The following BCO2 variants were observed in gnomAD, a reference collection of about 807,000 sequenced individuals.
BCO2 encodes carotenoid-cleaving dioxygenase, mitochondrial.
In BCO2, 56 loss-of-function variants were observed where a neutral mutation model predicts 65.8. The observed-to-expected ratio is 0.85, with a 90% CI of 0.69 to 1.06. The LOEUF (loss-of-function observed/expected upper bound fraction) is 1.06. BCO2 is among the 50% of genes least tolerant of loss of function. BCO2 has a pLI of 0.00. For synonymous variants in BCO2, 233 were observed against 242.3 expected (o/e 0.96, Z 0.36); for missense variants, 675 against 698.5 (o/e 0.97, Z 0.38).
chr11:112,182,595 G>A (rs1178079676), intron 2 of BCO2, among the ~76,000 whole-genome samples: 1 of 151,712 alleles, frequency 6.6e-6, no homozygotes, highest in Non-Finnish European at 1.5e-5. Context: ...GCAAACTATT[G>A]CAAGGACAGA....
intron 2 of BCO2, chr11:112,179,771 T>G (rs1183194310): frequency 2.5e-6 from 1 of 395,014 alleles, no homozygotes; most frequent in Non-Finnish European, 4.7e-6. Context: ...CCCCACAAGT[T>G]CCTGAAGGAA....
intron 5 of BCO2, among the ~76,000 whole-genome samples, chr11:112,195,025 T>G (rs199531344): frequency 2.2e-3 from 201 of 91,040 alleles, no homozygotes; most frequent in African/African-American, 6.9e-3. Flanking sequence ...TCTATCTATC[T>G]TATCTTGATC....
intron 4 of BCO2, 194 bp downstream of exon 4, chr11:112,194,188 A>G (rs536773268): frequency 3.4e-4 from 184 of 539,084 alleles, no homozygotes; most frequent in Non-Finnish European, 5.4e-4. Context: ...ATATAATTCT[A>G]AACTCCTTCC....
Position 112,194,719 on chromosome 11 carries a change from A to G in BCO2, c.700A>G (p.Thr234Ala), listed in dbSNP as rs764276136. The change falls in exon 5 of 12, where the codon ACA becomes GCA. Residue 234 changes from threonine (T) to alanine (A), a missense_variant. Physicochemically the swap from Thr to Ala is moderately conservative, Grantham distance 58. Coordinates refer to ENST00000357685, the MANE Select transcript of BCO2 (RefSeq NM_031938.7). ...ACATCCTCATTATGACCTGGATGGAACAGCATACAATATGGGGAACTCCTT... is the reference window on the plus strand; with the variant it reads ...ACATCCTCATTATGACCTGGATGGAGCAGCATACAATATGGGGAACTCCTT... ...TAHPHYDLDG[T>A]AYNMGNSFGP... The G allele has an allele frequency of 1.2e-6, 2 of 1,612,482 alleles. No individual in the cohort carries two copies. Among genetic ancestry groups the G allele is most frequent in the Admixed American group, 1.7e-5 (1 of 59,826 alleles).
chr11:112,201,539 T>A (rs953243800), intron 7 of BCO2, among the ~76,000 whole-genome samples: 1 of 152,206 alleles, frequency 6.6e-6, no homozygotes, highest in African/African-American at 2.4e-5. Flanking sequence ...TGATTCATAA[T>A]GCTATTATAT....
chr11:112,177,932 A>G, intron 1 of BCO2, among the ~76,000 whole-genome samples: 1 of 140,580 alleles, frequency 7.1e-6, no homozygotes, highest in Non-Finnish European at 1.5e-5. Context: ...TTTTGAGACG[A>G]AGTTTCGCTC....
rs538107453 is a variant in BCO2, at chr11:112,188,159, C to T, written c.294-5315C>T. 1.9e-4 allele frequency among the ~76,000 whole-genome samples: 29 copies of T among 152,326 alleles called. 1 individual carries two copies. Among genetic ancestry groups the T allele is most frequent in the Non-Finnish European group, 3.2e-4 (22 of 68,042 alleles). On this transcript the variant is annotated intron_variant, in intron 2 of 11. Coordinates refer to ENST00000357685, the MANE Select transcript of BCO2 (RefSeq NM_031938.7). Reference sequence around the variant, plus strand: ...ACAAATAGTTCAGACTCTCTCAAAACCGAGCCATTGACTTTTCCCAGTGCT... The same window carrying T: ...ACAAATAGTTCAGACTCTCTCAAAATCGAGCCATTGACTTTTCCCAGTGCT...
At chr11:112,191,135 A>T (rs1487384284) in intron 2 of BCO2, among the ~76,000 whole-genome samples, 2 of 151,820 alleles carry the variant, frequency 1.3e-5, no homozygotes, top group East Asian at 3.9e-4. Flanking sequence ...GATGTAAGCA[A>T]TGCAATTAGA....
chr11:112,176,509 T>G, intron 1 of BCO2: 3 of 19,020 alleles, frequency 1.6e-4, no homozygotes, highest in East Asian at 2.7e-3. Context: ...ATGAAGAAAA[T>G]TGATTGGCGG....
intron 8 of BCO2, among the ~76,000 whole-genome samples, chr11:112,210,175 TTAAAA>T (rs1859467512): frequency 6.6e-6 from 1 of 152,376 alleles, no homozygotes; most frequent in East Asian, 1.9e-4. Context: ...AATTCTCAGT[TTAAAA>T]TAATTTCCTT....
intron 2 of BCO2, among the ~76,000 whole-genome samples, chr11:112,184,209 A>G (rs1236190894): frequency 6.6e-6 from 1 of 152,116 alleles, no homozygotes; most frequent in African/African-American, 2.4e-5. Flanking sequence ...CTAAAGGCCA[A>G]TGTAATATAA....
At chr11:112,184,434 T>C (rs1185848284) in intron 2 of BCO2, among the ~76,000 whole-genome samples, 6 of 152,010 alleles carry the variant, frequency 3.9e-5, no homozygotes, top group South Asian at 2.1e-4. Flanking sequence ...TTTGTATTTT[T>C]AGTAGAGACG....
rs148761677 is a variant in BCO2 at position 112,204,208 on chromosome 11, C to T, written c.1194+2018C>T. ...ATGTTTCACTTAACATAATGTCTTC[C>T]AGGTCCATCCATGTTGTAGCAGACG... On this transcript the variant is annotated intron_variant, in intron 8 of 11. Transcript: ENST00000357685. 7.2e-3 allele frequency among the ~76,000 whole-genome samples: 1,098 copies of T among 152,242 alleles called. 32 individuals carry two copies. The highest frequency in any genetic ancestry group is 0.033 in the Admixed American group (500 of 15,284).
intron 11 of BCO2, 83 bp downstream of exon 11, chr11:112,216,413 G>C (rs979266051): frequency 3.1e-6 from 3 of 953,176 alleles, no homozygotes; most frequent in Admixed American, 2.0e-5. Flanking sequence ...CTCATCTGTC[G>C]ATAGTTTACT....
At chr11:112,199,621 C>G in intron 5 of BCO2, 78 bp from the exon 6 acceptor site, 1 of 1,343,808 alleles carries the variant, frequency 7.4e-7, no homozygotes, top group Non-Finnish European at 1.0e-6. Context: ...TTGCTTTTGG[C>G]AAGTCCACAA....
At chr11:112,181,200 G>C (rs577494016) in intron 2 of BCO2, 24 of 376,864 alleles carry the variant, frequency 6.4e-5, no homozygotes, top group Non-Finnish European at 1.1e-4. Flanking sequence ...TTTTTTTTTT[G>C]AGACGGAGTC....
Position 112,218,056 on chromosome 11 carries a change from AC to A in BCO2, c.*184del, listed in dbSNP as rs1488263885. 1.9e-6 allele frequency: 1 copy of A among 540,014 alleles called. No homozygotes were observed. Among genetic ancestry groups the A allele is most frequent in the Non-Finnish European group, 3.3e-6 (1 of 304,900 alleles). The allele number at this position is 540,014 out of a possible 1,614,324, so 33.5% of individuals were successfully genotyped here. On this transcript the variant is annotated 3_prime_UTR_variant, in exon 12 of 12. Transcript: ENST00000357685. ...GGTGATGGGTTCGTTAGAAGTCCAAACCTCAGCAGCACACAATATACTCATG... is the reference window on the plus strand; with the variant it reads ...GGTGATGGGTTCGTTAGAAGTCCAAACTCAGCAGCACACAATATACTCATG...
chr11:112,194,670 T>G lies in BCO2; in HGVS notation c.651T>G (p.Phe217Leu), dbSNP rs1226306776. The G allele has an allele frequency of 6.2e-7, 1 of 1,612,478 alleles. No individual in the cohort carries two copies. The highest frequency in any genetic ancestry group is 1.7e-5 in the Admixed American group (1 of 59,816). ...ATTTGCAGGTAGATTGGAGCAAATT[T>G]ATTGCTGTGAATGGAGCAACTGCAC... is the stretch of plus-strand genomic sequence containing the variant. ...EKTEKVDWSK[F>L]IAVNGATAHP... Residue 217 changes from phenylalanine (F) to leucine (L), a missense_variant, in exon 5 of 12, where the codon TTT becomes TTG. Phe to Leu is a conservative substitution (Grantham distance 22). Transcript: ENST00000357685.
At chr11:112,187,765 TCAC>T (rs1867244540) in intron 2 of BCO2, among the ~76,000 whole-genome samples, 1 of 152,008 alleles carries the variant, frequency 6.6e-6, no homozygotes, top group Non-Finnish European at 1.5e-5. Flanking sequence ...CTCTTAGAGC[TCAC>T]CTTACCTTTT....
Sources: allele counts gnomAD v4.1 joint callset (sites outside exome capture counted in the v4.1 genomes callset), GRCh38; gene constraint gnomAD v4.1.1; transcripts MANE v1.5; gene names NCBI Gene and HGNC (gene_info 2026-07-23, HGNC 2026-07-21).